The following SLC24A2 variants were observed in gnomAD, a reference collection of about 807,000 sequenced individuals.
SLC24A2 encodes sodium/potassium/calcium exchanger 2.
Under a neutral mutation model 62.0 loss-of-function variants are expected in SLC24A2, and 36 were observed. The observed-to-expected ratio is 0.58, with a 90% CI of 0.44 to 0.77. SLC24A2 has a LOEUF of 0.77. Among genes scored for constraint, SLC24A2 ranks in the 30% least tolerant of loss-of-function variants. The probability of loss-of-function intolerance (pLI) is 0.00; values close to 1 mark genes in which losing one functional copy is unlikely to be tolerated. For missense variants in SLC24A2, 846 were observed against 817.9 expected, an observed-to-expected ratio of 1.03 and a Z score of -0.42; for synonymous variants, 358 against 294.0, an observed-to-expected ratio of 1.22 and a Z score of -2.23.
the SLC24A2 span, among the ~76,000 whole-genome samples, chr9:20,074,917 A>T: frequency 6.6e-6 from 1 of 152,170 alleles, no homozygotes; most frequent in African/African-American, 2.4e-5. Context: ...TACAGGGGCT[A>T]TGGCTTGTAG....
intron 7 of SLC24A2, among the ~76,000 whole-genome samples, chr9:19,573,016 G>A (rs1017848513): frequency 6.6e-6 from 1 of 152,146 alleles, no homozygotes; most frequent in African/African-American, 2.4e-5. Flanking sequence ...TAATTCCGAC[G>A]TGCTGCTTCC....
At chr9:20,019,257 A>AAGAAAGAG in the SLC24A2 span, among the ~76,000 whole-genome samples, 695 of 93,244 alleles carry the variant, frequency 7.5e-3, 10 homozygotes, top group African/African-American at 0.02. Context: ...AGGAAAGAGA[A>AAGAAAGAG]AGAAAGAAAG....
At chr9:20,261,309 C>T in the SLC24A2 span, among the ~76,000 whole-genome samples, 2 of 151,984 alleles carry the variant, frequency 1.3e-5, no homozygotes, top group Admixed American at 1.3e-4. Flanking sequence ...GTATTTAGCT[C>T]ATGGTTGTGG....
chr9:20,102,804 G>C, the SLC24A2 span, among the ~76,000 whole-genome samples: 16,872 of 152,162 alleles, frequency 0.11, 1,000 homozygotes, highest in Middle Eastern at 0.17. Context: ...TTCCATCTCA[G>C]GTACTGAGTT....
chr9:19,691,077 A>G (rs1377191725), intron 2 of SLC24A2, among the ~76,000 whole-genome samples: 1 of 152,198 alleles, frequency 6.6e-6, no homozygotes, highest in African/African-American at 2.4e-5. Context: ...CCAGACGTCC[A>G]GCACAAGGTG....
chr9:19,786,701 T>G lies in SLC24A2; in HGVS notation c.166A>C (p.Ile56Leu), dbSNP rs760167985. The change falls in exon 2 of 11, where the codon ATC becomes CTC. Residue 56 changes from isoleucine (I) to leucine (L), a missense_variant. Coordinates refer to ENST00000341998, the MANE Select transcript of SLC24A2 (RefSeq NM_020344.4). The surrounding 1 kb of genome is among the most constrained non-coding windows in gnomAD (Gnocchi z 5.0). The stretch of plus-strand genomic sequence containing the variant: ...GTATCTGTCTCAGAAAAGGCACTGA[T>G]TGAAAATGAGACAGTGCTAATGGCT... ...LVAISTVSFS[I>L]SAFSETDTQS... is the part of the protein sequence containing the mutation. 2 of 1,611,956 alleles carry G rather than the reference T, an allele frequency of 1.2e-6. No individual in the cohort carries two copies. Among genetic ancestry groups the G allele is most frequent in the African/African-American group, 2.7e-5 (2 of 74,802 alleles).
At chr9:19,683,334 A>G (rs1467597217) in intron 2 of SLC24A2, among the ~76,000 whole-genome samples, 3 of 152,194 alleles carry the variant, frequency 2.0e-5, no homozygotes, top group African/African-American at 7.2e-5. Context: ...GCAAAGGGAA[A>G]GGAACTATTG....
At chr9:19,583,724 G>C (rs1178188387) in intron 5 of SLC24A2, among the ~76,000 whole-genome samples, 1 of 152,150 alleles carries the variant, frequency 6.6e-6, no homozygotes, top group Non-Finnish European at 1.5e-5. Context: ...GAGAAAAATG[G>C]GGTGTACCAG....
At chr9:20,257,413 T>C in the SLC24A2 span, among the ~76,000 whole-genome samples, 1 of 152,176 alleles carries the variant, frequency 6.6e-6, no homozygotes, top group African/African-American at 2.4e-5. Context: ...TTTTCTATAG[T>C]TGACTTAATT....
intron 2 of SLC24A2, among the ~76,000 whole-genome samples, chr9:19,636,535 G>A (rs1039988838): frequency 4.0e-5 from 6 of 150,782 alleles, no homozygotes; most frequent in South Asian, 2.1e-4. Context: ...GAGTTCAAGC[G>A]ATTATTCTCC....
the SLC24A2 span, among the ~76,000 whole-genome samples, chr9:20,123,909 A>G: frequency 2.6e-5 from 4 of 152,200 alleles, no homozygotes; most frequent in Non-Finnish European, 5.9e-5. Flanking sequence ...AAGAAAATGC[A>G]AAGTATAGTG....
the SLC24A2 span, among the ~76,000 whole-genome samples, chr9:19,994,542 C>G: frequency 6.6e-6 from 1 of 152,124 alleles, no homozygotes; most frequent in Non-Finnish European, 1.5e-5. Context: ...ACAAGTCATG[C>G]CTAAGAGGAA....
chr9:20,178,994 T>G, the SLC24A2 span, among the ~76,000 whole-genome samples: 7 of 152,216 alleles, frequency 4.6e-5, no homozygotes, highest in African/African-American at 1.7e-4. Context: ...CTTCAATCAC[T>G]TGGGGAATCT....
At chr9:20,105,302 C>T in the SLC24A2 span, among the ~76,000 whole-genome samples, 16 of 152,174 alleles carry the variant, frequency 1.1e-4, no homozygotes, top group South Asian at 1.9e-3. Context: ...GACAGAAAGT[C>T]AACAAGGATA....
At chr9:19,542,397 T>G (rs1834316389) in intron 8 of SLC24A2, among the ~76,000 whole-genome samples, 1 of 152,218 alleles carries the variant, frequency 6.6e-6, no homozygotes, top group Admixed American at 6.5e-5. Flanking sequence ...AGAGACAATT[T>G]GACTTCCTCT....
the SLC24A2 span, among the ~76,000 whole-genome samples, chr9:19,798,626 A>C: frequency 9.6e-4 from 144 of 150,060 alleles, no homozygotes; most frequent in African/African-American, 3.4e-3. Flanking sequence ...ACACACACAC[A>C]CCCCTGGAAA....
chr9:20,184,270 C>A, the SLC24A2 span, among the ~76,000 whole-genome samples: 2 of 152,196 alleles, frequency 1.3e-5, no homozygotes, highest in African/African-American at 2.4e-5. Context: ...AAAAGATAGG[C>A]TGGGTGCAGA....
At chr9:20,018,343 T>C in the SLC24A2 span, among the ~76,000 whole-genome samples, 1 of 152,236 alleles carries the variant, frequency 6.6e-6, no homozygotes, top group African/African-American at 2.4e-5. Context: ...TCAATCTTTC[T>C]TCCTCTATCT....
chr9:19,947,812 G>GAAAGAAAGAAAGAAAT, the SLC24A2 span, among the ~76,000 whole-genome samples: 1 of 89,878 alleles, frequency 1.1e-5, no homozygotes, highest in East Asian at 4.0e-4. Context: ...AAAAAAAAAA[G>GAAAGAAAGAAAGAAAT]AAAGAAAGAA....
Sources: gnomAD v4.1 joint callset for allele counts (sites outside exome capture counted in the v4.1 genomes callset) on GRCh38, gnomAD v4.1.1 for gene constraint, Gnocchi (gnomAD v3.1) non-coding constraint, MANE v1.5 for transcripts, NCBI Gene and HGNC (gene_info 2026-07-23, HGNC 2026-07-21) for gene names.